The following UST variants were observed in gnomAD, a reference collection of about 807,000 sequenced individuals.
The protein encoded by UST is chondroitin sulfate 2-O-sulfotransferase.
UST carries 21 observed loss-of-function variants against 45.6 expected under a neutral mutation model. That is an observed-to-expected ratio of 0.46 (90% CI 0.33 to 0.66). The LOEUF (loss-of-function observed/expected upper bound fraction) is 0.66. Ranked by LOEUF, UST falls within the 30% of genes least tolerant of loss-of-function variation. The probability of loss-of-function intolerance (pLI) is 0.02; values close to 1 mark genes in which losing one functional copy is unlikely to be tolerated. For missense variants in UST, 463 were observed against 512.4 expected (o/e 0.90, Z 0.93); for synonymous variants, 215 against 200.6 (o/e 1.07, Z -0.61).
intron 1 of UST, among the ~76,000 whole-genome samples, chr6:148,877,420 G>A (rs147793211): frequency 0.014 from 577 of 42,192 alleles, 48 homozygotes; most frequent in African/African-American, 0.047. Context: ...TGCGGGGGTC[G>A]TGTATGAGTG....
intron 1 of UST, among the ~76,000 whole-genome samples, chr6:148,756,620 A>C (rs1429514666): frequency 6.6e-6 from 1 of 152,242 alleles, no homozygotes; most frequent in Non-Finnish European, 1.5e-5. Flanking sequence ...AGGAAGGTAC[A>C]ATTCCAATTA....
chr6:148,755,861 TA>T (rs1420993866), intron 1 of UST, among the ~76,000 whole-genome samples: 1 of 152,162 alleles, frequency 6.6e-6, no homozygotes, highest in African/African-American at 2.4e-5. Flanking sequence ...AAAATGGTAA[TA>T]TTTTTTAATT....
rs375265080 is a variant in UST, at chr6:149,005,375, G to A, written c.682-13764G>A. 54 of 985,518 alleles carry A rather than the reference G, an allele frequency of 5.5e-5. No individual in the cohort carries two copies. In the African/African-American group the frequency reaches 7.0e-4, roughly 13 times the overall value. The allele number at this position is 985,518 out of a possible 1,614,324, so 61.0% of individuals were successfully genotyped here. On this transcript the variant is annotated intron_variant, in intron 5 of 7. Transcript: ENST00000367463. ...AAAGAAGACTCCAGAAGCTGGAGAA[G>A]AATTCGGGATCTGACAGGAAGTTCA... is the stretch of plus-strand genomic sequence containing the variant.
At chr6:148,796,498 C>T (rs972377139) in intron 1 of UST, among the ~76,000 whole-genome samples, 3 of 151,842 alleles carry the variant, frequency 2.0e-5, no homozygotes, top group Non-Finnish European at 4.4e-5. Context: ...GTGGCACGGG[C>T]CTGTAATCCC....
chr6:148,753,731 T>G (rs1303092724), intron 1 of UST, among the ~76,000 whole-genome samples: 3 of 152,204 alleles, frequency 2.0e-5, no homozygotes, highest in Non-Finnish European at 2.9e-5. Flanking sequence ...ACTCTAAGTT[T>G]AAGTTATTGA....
intron 5 of UST, among the ~76,000 whole-genome samples, chr6:149,013,564 G>A (rs908832997): frequency 1.3e-5 from 2 of 152,016 alleles, no homozygotes; most frequent in Non-Finnish European, 1.5e-5. Context: ...TACCAGGTAC[G>A]TCCATCTGCA....
At chr6:148,805,272 G>A (rs763838047) in intron 1 of UST, among the ~76,000 whole-genome samples, 3 of 152,112 alleles carry the variant, frequency 2.0e-5, no homozygotes, top group South Asian at 2.1e-4. Flanking sequence ...GATTCTGAAC[G>A]AGAAATATTT....
At chr6:148,820,888 T>C (rs1777448519) in intron 1 of UST, among the ~76,000 whole-genome samples, 1 of 150,220 alleles carries the variant, frequency 6.7e-6, no homozygotes, top group Non-Finnish European at 1.5e-5. Context: ...ATCTCAATAA[T>C]GTCTTGTATA....
chr6:148,895,375 G>A (rs1368614899), intron 2 of UST, among the ~76,000 whole-genome samples: 5 of 152,078 alleles, frequency 3.3e-5, no homozygotes, highest in Non-Finnish European at 4.4e-5. Flanking sequence ...CAAAGTTACC[G>A]AAGAGAGAGA....
intron 3 of UST, among the ~76,000 whole-genome samples, chr6:148,950,612 A>G (rs939682052): frequency 1.3e-5 from 2 of 152,140 alleles, no homozygotes; most frequent in African/African-American, 4.8e-5. Context: ...TTGGTGCCGT[A>G]TCATTTTATG....
chr6:148,841,581 G>GTTTTT (rs770638985), intron 1 of UST, among the ~76,000 whole-genome samples: 3 of 111,232 alleles, frequency 2.7e-5, no homozygotes, highest in African/African-American at 6.8e-5. Flanking sequence ...GGTCTGTTTT[G>GTTTTT]TTTTTGTTTT....
chr6:148,840,958 C>T (rs1310156829), intron 1 of UST, among the ~76,000 whole-genome samples: 1 of 151,250 alleles, frequency 6.6e-6, no homozygotes, highest in Non-Finnish European at 1.5e-5. Flanking sequence ...ATGCTGTAGC[C>T]TCTGGTATTT....
At chr6:148,832,147 C>T (rs149631302) in intron 1 of UST, among the ~76,000 whole-genome samples, 27 of 152,322 alleles carry the variant, frequency 1.8e-4, no homozygotes, top group African/African-American at 4.6e-4. Flanking sequence ...TGCACCACCA[C>T]GCCCAGTTAA....
chr6:148,773,011 A>G (rs1183702046), intron 1 of UST, among the ~76,000 whole-genome samples: 1 of 152,196 alleles, frequency 6.6e-6, no homozygotes, highest in Non-Finnish European at 1.5e-5. Flanking sequence ...TATTCTAGGC[A>G]TTGGTGGGTA....
chr6:148,790,505 C>T lies in UST; in HGVS notation c.247+42828C>T, dbSNP rs1363009482. On this transcript the variant is annotated intron_variant, in intron 1 of 7. Transcript: ENST00000367463. This position sits in a 1 kb window ranked among gnomAD's most constrained non-coding sequence, Gnocchi z 4.2. ...TTTTGAAGTCCGTGCCCTGAATCAC[C>T]TCCACGTCCCACCTTGTGCCTGGTG... 1.3e-5 allele frequency among the ~76,000 whole-genome samples: 2 copies of T among 152,178 alleles called. No homozygotes were observed. Among genetic ancestry groups the T allele is most frequent in the Admixed American group, 6.6e-5 (1 of 15,262 alleles).
intron 2 of UST, among the ~76,000 whole-genome samples, chr6:148,905,726 A>C (rs1249186911): frequency 6.6e-6 from 1 of 152,154 alleles, no homozygotes; most frequent in East Asian, 1.9e-4. Context: ...ATCATTTCCT[A>C]CCACCAGAGC....
At chr6:148,905,366 C>A (rs1156865418) in intron 2 of UST, among the ~76,000 whole-genome samples, 1 of 152,176 alleles carries the variant, frequency 6.6e-6, no homozygotes, top group African/African-American at 2.4e-5. Flanking sequence ...GGGTGGAGAC[C>A]CTGGCAGTTC....
intron 7 of UST, among the ~76,000 whole-genome samples, chr6:149,064,893 T>TAAA (rs35820279): frequency 6.7e-6 from 1 of 149,030 alleles, no homozygotes; most frequent in East Asian, 2.0e-4. Flanking sequence ...AATCCATTTC[T>TAAA]AAAAAAAAAA....
chr6:148,844,524 T>C (rs12526482), intron 1 of UST, among the ~76,000 whole-genome samples: 25,075 of 152,234 alleles, frequency 0.16, 2,150 homozygotes, highest in South Asian at 0.24. Context: ...GTAGAACATG[T>C]CCACTGATCA....
Sources: allele counts gnomAD v4.1 joint callset (sites outside exome capture counted in the v4.1 genomes callset), GRCh38; gene constraint gnomAD v4.1.1; non-coding constraint Gnocchi (gnomAD v3.1); transcripts MANE v1.5; gene names NCBI Gene and HGNC (gene_info 2026-07-23, HGNC 2026-07-21).